The following MAGEB16 variants were observed in gnomAD, a reference collection of about 807,000 sequenced individuals.
MAGEB16 encodes MAGE family member B16.
For missense variants in MAGEB16, 217 were observed against 234.0 expected, an observed-to-expected ratio of 0.93 and a Z score of 0.47; for synonymous variants, 95 against 92.1, an observed-to-expected ratio of 1.03 and a Z score of -0.18.
Position 35,800,329 on chromosome X carries a change from C to T in MAGEB16, c.-66-1802C>T, listed in dbSNP as rs761516722. ...GGCAGGAGTGGGAAGAATTTCCATACTGTCTTCATCTTCAGGGGTCTCAGG... is the reference window on the plus strand; with the variant it reads ...GGCAGGAGTGGGAAGAATTTCCATATTGTCTTCATCTTCAGGGGTCTCAGG... On this transcript the variant is annotated intron_variant, in intron 1 of 1. Transcript: ENST00000399988. Among the ~76,000 whole-genome samples, 7 of 111,199 alleles carry T rather than the reference C, an allele frequency of 6.3e-5. No individual in the cohort carries two copies. In the South Asian group the frequency reaches 1.2e-3, roughly 18 times the overall value.
intron 1 of MAGEB16, chrX:35,800,530 T>C (rs1934853311): frequency 1.9e-6 from 1 of 523,044 alleles, no homozygotes; most frequent in Non-Finnish European, 3.5e-6. Context: ...TGGCATTAGC[T>C]ATCAGAAGAT....
exon 2 of MAGEB16, chrX:35,802,143 C>T: frequency 8.4e-7 from 1 of 1,197,143 alleles, no homozygotes; most frequent in African/African-American, 1.7e-5. Flanking sequence ...AGTGATTCTT[C>T]ATTGCCTGCC....
exon 2 of MAGEB16, chrX:35,802,410 T>G: frequency 8.3e-7 from 1 of 1,207,769 alleles, no homozygotes; most frequent in Non-Finnish European, 1.1e-6. Context: ...CTGCTCCTCT[T>G]CCATTGCCGT....
exon 2 of MAGEB16, chrX:35,802,707 G>C (rs1298667520): frequency 5.8e-6 from 7 of 1,209,361 alleles, no homozygotes; most frequent in South Asian, 1.8e-5. Context: ...CCTTGATGTG[G>C]TGGAGGTGGA....
At position 35,800,896 on chromosome X, in the gene MAGEB16, A is replaced by G. The variant is rs772947737; in HGVS notation, c.-66-1235A>G. 1.3e-4 allele frequency among the ~76,000 whole-genome samples: 14 copies of G among 111,421 alleles called. 1 individual carries two copies. The South Asian group carries it at 3.5e-3, about 27-fold the overall frequency. On this transcript the variant is annotated intron_variant, in intron 1 of 1. Coordinates refer to ENST00000399988, the Ensembl canonical transcript of MAGEB16. ...GTCTTATGGAGGTGGTAGTCTTGAA[A>G]TGAAGGCAAAGGTTCAGATAAGCAT...
chrX:35,803,334 G>A, exon 2 of MAGEB16: 1 of 463,687 alleles, frequency 2.2e-6, no homozygotes, highest in Non-Finnish European at 3.5e-6. Flanking sequence ...AGGAAAAATA[G>A]TATATATCAT....
chrX:35,802,169 C>T (rs1292187086), exon 2 of MAGEB16: 3 of 1,208,104 alleles, frequency 2.5e-6, no homozygotes, highest in East Asian at 5.9e-5. Flanking sequence ...GTCCACACTC[C>T]TGCCTACTGC....
In MAGEB16 at chrX:35,802,134, G is replaced by A. The variant is rs1413143062; in HGVS notation, c.-63G>A. 2.5e-6 allele frequency: 3 copies of A among 1,188,030 alleles called. No homozygotes were observed. The highest frequency in any genetic ancestry group is 3.6e-5 in the South Asian group (2 of 55,200). On this transcript the variant is annotated 5_prime_UTR_variant, in exon 2 of 2. It adds an upstream start codon to the 5' untranslated region. Coordinates refer to ENST00000399988, the Ensembl canonical transcript of MAGEB16. Reference sequence around the variant, plus strand: ...ACACCCTTTCTCTCTCCCTTAGGCAGTGATTCTTCATTGCCTGCCCTCCTG... The same window carrying A: ...ACACCCTTTCTCTCTCCCTTAGGCAATGATTCTTCATTGCCTGCCCTCCTG...
At chrX:35,799,389 G>T (rs1481496837) in intron 1 of MAGEB16, among the ~76,000 whole-genome samples, 2 of 111,457 alleles carry the variant, frequency 1.8e-5, no homozygotes, top group Non-Finnish European at 3.8e-5. Context: ...CCAATATGGG[G>T]ACCCCGTGTG....
chrX:35,798,684 G>A (rs1712037720), intron 1 of MAGEB16: 1 of 112,014 alleles, frequency 8.9e-6, no homozygotes, highest in East Asian at 2.8e-4. Context: ...CGGACACACT[G>A]AGTGAGGGCC....
At chrX:35,802,204 A>C in exon 2 of MAGEB16, 1 of 1,211,332 alleles carries the variant, frequency 8.3e-7, no homozygotes, top group South Asian at 1.8e-5. Context: ...ATCATGTCTC[A>C]GGATCAGGAG....
chrX:35,803,426 T>G (rs1400569041), exon 2 of MAGEB16: 2 of 291,120 alleles, frequency 6.9e-6, no homozygotes, highest in Non-Finnish European at 6.3e-6. Flanking sequence ...GATGTTTCTT[T>G]TAATAGAAGT....
intron 1 of MAGEB16, chrX:35,800,385 C>A: frequency 2.2e-6 from 1 of 457,822 alleles, no homozygotes; most frequent in South Asian, 3.1e-5. Context: ...ATAGCAGCCT[C>A]AAGTCAATAT....
At chrX:35,800,601 C>G (rs1162060701) in intron 1 of MAGEB16, 1 of 522,902 alleles carries the variant, frequency 1.9e-6, no homozygotes, top group African/African-American at 2.3e-5. Context: ...CAGGGAACCA[C>G]CCATCCCAGA....
chrX:35,801,445 G>A (rs1934861501), intron 1 of MAGEB16: 1 of 111,841 alleles, frequency 8.9e-6, no homozygotes, highest in Non-Finnish European at 1.9e-5. Flanking sequence ...CAGAAGAGCA[G>A]GGATTCTGAA....
At chrX:35,803,094 T>C (rs746194520) in exon 2 of MAGEB16, 2 of 1,209,695 alleles carry the variant, frequency 1.7e-6, no homozygotes, top group South Asian at 3.5e-5. Context: ...AGTTCATGGG[T>C]CTTACCCACA....
rs906605827 is a variant in MAGEB16 at position 35,802,754 on chromosome X, G to A, written c.558G>A (p.Leu186=). The A allele has an allele frequency of 4.1e-6, 5 of 1,211,362 alleles. No individual in the cohort carries two copies. The African/African-American group carries it at 8.7e-5, about 21-fold the overall frequency. ...ATTGCTATGGCCTCTTCATCAAACT[G>A]GGCCTCACCTATGATGGGATGCTGA... The change falls in exon 2 of 2, where the codon CTG becomes CTA. Residue 186 remains leucine (L), a synonymous_variant. Transcript: ENST00000399988.
chrX:35,799,044 T>A (rs1601846976), intron 1 of MAGEB16, among the ~76,000 whole-genome samples: 1 of 107,780 alleles, frequency 9.3e-6, no homozygotes, highest in East Asian at 2.9e-4. Flanking sequence ...CTAATTTTTT[T>A]TTTTTTTTTT....
intron 1 of MAGEB16, 151 bp from the exon 2 acceptor site, chrX:35,801,980 G>C: frequency 2.3e-6 from 1 of 433,485 alleles, no homozygotes; most frequent in Non-Finnish European, 3.9e-6. Context: ...TCATCCTTCA[G>C]GTTCTTGGTA....
Sources: allele counts gnomAD v4.1 joint callset (sites outside exome capture counted in the v4.1 genomes callset), GRCh38; gene constraint gnomAD v4.1.1; transcripts MANE v1.5; gene names NCBI Gene and HGNC (gene_info 2026-07-23, HGNC 2026-07-21).